The following SGCD variants were observed in gnomAD, a reference collection of about 807,000 sequenced individuals.
The protein encoded by SGCD is sarcoglycan delta, also known as delta-sarcoglycan.
Under a neutral mutation model 36.6 loss-of-function variants are expected in SGCD, and 18 were observed. The observed-to-expected ratio is 0.49, with a 90% CI of 0.34 to 0.73. The LOEUF (loss-of-function observed/expected upper bound fraction) is 0.73, where lower values mean the gene tolerates loss of function less well. Ranked by LOEUF, SGCD falls within the 30% of genes least tolerant of loss-of-function variation. SGCD has a pLI of 0.01. For missense variants in SGCD, 387 were observed against 346.7 expected, an observed-to-expected ratio of 1.12 and a Z score of -0.92; for synonymous variants, 133 against 130.6, an observed-to-expected ratio of 1.02 and a Z score of -0.12.
chr5:156,344,387 C>T lies in SGCD; in HGVS notation c.4-102C>T, dbSNP rs1768830302. On this transcript the variant is annotated intron_variant, in intron 2 of 8. Coordinates refer to ENST00000337851, the MANE Select transcript of SGCD (RefSeq NM_000337.6). Reference sequence around the variant, plus strand: ...CAGAGGGTATAAAAGTAGACAGCAGCCAGCCATATCTCTTCATCAGTTGAT... The same window carrying T: ...CAGAGGGTATAAAAGTAGACAGCAGTCAGCCATATCTCTTCATCAGTTGAT... The T allele has an allele frequency of 5.1e-6, 4 of 777,446 alleles. No homozygotes were observed. In the Admixed American group the frequency reaches 9.6e-5, roughly 19 times the overall value. The allele number at this position is 777,446 out of a possible 1,614,324, so 48.2% of individuals were successfully genotyped here. A position where few individuals can be genotyped will look rare whatever the true frequency, so the allele number is the denominator to read the frequency against.
At chr5:155,781,880 C>T in the SGCD span, among the ~76,000 whole-genome samples, 1 of 152,078 alleles carries the variant, frequency 6.6e-6, no homozygotes, top group Non-Finnish European at 1.5e-5. Context: ...TAGTTAGTGG[C>T]CACCCTTTCA....
intron 1 of SGCD, among the ~76,000 whole-genome samples, chr5:156,011,007 A>T (rs1390442649): frequency 6.6e-6 from 1 of 152,136 alleles, no homozygotes; most frequent in Non-Finnish European, 1.5e-5. Flanking sequence ...TGAATATCTT[A>T]GTGAAAGACA....
At chr5:155,853,410 T>G in the SGCD span, among the ~76,000 whole-genome samples, 1 of 152,058 alleles carries the variant, frequency 6.6e-6, no homozygotes, top group Non-Finnish European at 1.5e-5. Context: ...AAAAATGGCC[T>G]TACTGAAAAT....
intron 1 of SGCD, among the ~76,000 whole-genome samples, chr5:155,996,740 T>C (rs1344496762): frequency 6.7e-6 from 1 of 149,958 alleles, no homozygotes; most frequent in East Asian, 2.0e-4. Context: ...GATAGTGCCA[T>C]TGCACTCCAG....
intron 1 of SGCD, among the ~76,000 whole-genome samples, chr5:155,881,451 T>G (rs1755884006): frequency 6.6e-6 from 1 of 152,222 alleles, no homozygotes; most frequent in Non-Finnish European, 1.5e-5. Flanking sequence ...GTAAATACCT[T>G]AATTAAAAAA....
chr5:156,415,903 T>C (rs1773005551), intron 3 of SGCD, among the ~76,000 whole-genome samples: 1 of 152,208 alleles, frequency 6.6e-6, no homozygotes, highest in Non-Finnish European at 1.5e-5. Flanking sequence ...AGGCTTAGTA[T>C]TTACAAATAC....
rs1169926246 is a variant in SGCD, at chr5:156,104,042, T to C, written c.-281-13836T>C. On this transcript the variant is annotated intron_variant, in intron 1 of 9. Coordinates refer to the SGCD transcript ENST00000517913. ...TTAATGAATATAATGACCCAAGCCC[T>C]TTTGGAAACATTATTATTTTAGAAT... 5.9e-5 allele frequency among the ~76,000 whole-genome samples: 9 copies of C among 152,256 alleles called. No individual in the cohort carries two copies. In the South Asian group the frequency reaches 8.3e-4, roughly 14 times the overall value.
At chr5:156,564,097 A>G (rs183637722) in intron 4 of SGCD, among the ~76,000 whole-genome samples, 10 of 152,354 alleles carry the variant, frequency 6.6e-5, no homozygotes, top group Admixed American at 1.3e-4. Flanking sequence ...GGAATAAACA[A>G]TTGTATCAAA....
intron 4 of SGCD, among the ~76,000 whole-genome samples, chr5:156,533,079 G>A (rs253604): frequency 0.44 from 66,815 of 151,956 alleles, 15,028 homozygotes; most frequent in Non-Finnish European, 0.47. Context: ...TGCTTACCCA[G>A]CTGGCTTTCT....
At chr5:156,531,992 C>A (rs1435921501) in intron 4 of SGCD, among the ~76,000 whole-genome samples, 1 of 151,880 alleles carries the variant, frequency 6.6e-6, no homozygotes, top group Admixed American at 6.6e-5. Context: ...CGCCTGTAAT[C>A]CCAGCTACTC....
rs71577199 is a variant in SGCD, at chr5:156,508,502, TAA to T, written c.193-88_193-87del. 9,293 of 591,146 alleles carry T rather than the reference TAA, an allele frequency of 0.016. 240 individuals carry two copies. The highest frequency in any genetic ancestry group is 0.095 in the African/African-American group (4,889 of 51,256). The allele number at this position is 591,146 out of a possible 1,614,324, so 36.6% of individuals were successfully genotyped here. A position where few individuals can be genotyped will look rare whatever the true frequency, so the allele number is the denominator to read the frequency against. ...GTCCTCATTCCACACCTTCAAAAAT[TAA>T]AAAAAAAAAAGGCTATAACTACGTT... On this transcript the variant is annotated intron_variant, in intron 3 of 8. Transcript: ENST00000337851.
the SGCD span, among the ~76,000 whole-genome samples, chr5:155,792,794 A>G: frequency 1.3e-5 from 2 of 152,196 alleles, no homozygotes; most frequent in Non-Finnish European, 2.9e-5. Context: ...ATGCTTATAC[A>G]TTGTTGGCGG....
the SGCD span, among the ~76,000 whole-genome samples, chr5:155,755,358 CTGTT>C: frequency 8.5e-5 from 13 of 152,266 alleles, no homozygotes; most frequent in East Asian, 2.1e-3. Flanking sequence ...TGTTTTATTT[CTGTT>C]TGTTTGTACT....
At chr5:155,953,991 A>T (rs1476937705) in intron 1 of SGCD, among the ~76,000 whole-genome samples, 1 of 152,182 alleles carries the variant, frequency 6.6e-6, no homozygotes, top group African/African-American at 2.4e-5. Flanking sequence ...TGGTGCCCCC[A>T]TTCGGAGACA....
Position 156,623,284 on chromosome 5 carries a change from G to C in SGCD, c.503-24180G>C, listed in dbSNP as rs1358674016. ...GGATGCATTGAAGGGCTTCTGACTG[G>C]GGACCAGCAAGATCTAATTTGTGTT... On this transcript the variant is annotated intron_variant, in intron 6 of 8. Transcript: ENST00000337851. 6.6e-5 allele frequency among the ~76,000 whole-genome samples: 10 copies of C among 152,222 alleles called. No homozygotes were observed. The East Asian group carries it at 1.7e-3, about 26-fold the overall frequency.
intron 4 of SGCD, among the ~76,000 whole-genome samples, chr5:156,556,120 G>GAAA (rs34927078): frequency 0.033 from 4,487 of 134,248 alleles, 255 homozygotes; most frequent in African/African-American, 0.11. Context: ...ATACAGATAA[G>GAAA]AAAAAAAAAA....
At chr5:156,537,610 A>T (rs1003933279) in intron 4 of SGCD, among the ~76,000 whole-genome samples, 4 of 151,824 alleles carry the variant, frequency 2.6e-5, no homozygotes, top group Non-Finnish European at 5.9e-5. Flanking sequence ...TCAAATCTTC[A>T]TATTTTATCT....
intron 1 of SGCD, among the ~76,000 whole-genome samples, chr5:156,075,784 G>C (rs1318878867): frequency 6.6e-6 from 1 of 152,154 alleles, no homozygotes; most frequent in Non-Finnish European, 1.5e-5. Flanking sequence ...CACAGAGGCA[G>C]AGTTAATGAG....
At chr5:155,991,109 C>G (rs971070917) in intron 1 of SGCD, among the ~76,000 whole-genome samples, 4 of 152,258 alleles carry the variant, frequency 2.6e-5, no homozygotes, top group African/African-American at 9.6e-5. Flanking sequence ...AGACATTTCT[C>G]AAGTCAGTGA....
Sources: allele counts gnomAD v4.1 joint callset (sites outside exome capture counted in the v4.1 genomes callset), GRCh38; gene constraint gnomAD v4.1.1; transcripts MANE v1.5; gene names NCBI Gene and HGNC (gene_info 2026-07-23, HGNC 2026-07-21).